FBXO17: variants seen among roughly 807,000 people sequenced by gnomAD.
The protein encoded by FBXO17 is F-box only protein 17.
A neutral mutation model predicts 34.1 loss-of-function variants in FBXO17; 43 were observed. The ratio of observed to expected loss-of-function variants is 1.26; its 90% CI spans 0.99 to 1.62. The LOEUF is 1.62. FBXO17 is among the 40% of genes most tolerant of loss of function. The pLI, the probability that FBXO17 is intolerant of heterozygous loss-of-function variation, is 0.00. For missense variants in FBXO17, 424 were observed against 386.7 expected (o/e 1.10, Z -0.81); for synonymous variants, 169 against 166.0 (o/e 1.02, Z -0.14).
rs1364713646 is a variant in FBXO17 at position 38,948,634 on chromosome 19, C to A, written c.394G>T (p.Ala132Ser). The part of the protein sequence containing the change: ...WEVEHGGNGW[A>S]IEKNLTPVPG... ...ACCGGTGTTAGGTTCTTTTCTATGG[C>A]CCAGCCGTTCCCGCCATGCTCCACC... Residue 132 changes from alanine (A) to serine (S), a missense_variant, in exon 3 of 6, where the codon GCC becomes TCC. Ala to Ser is a moderately conservative substitution (Grantham distance 99). Coordinates refer to ENST00000292852, the MANE Select transcript of FBXO17 (RefSeq NM_024907.7). The A allele has an allele frequency of 6.2e-7, 1 of 1,614,134 alleles. No individual in the cohort carries two copies. Among genetic ancestry groups the A allele is most frequent in the South Asian group, 1.1e-5 (1 of 91,084 alleles).
chr19:38,959,986 A>G (rs773219533), intron 1 of FBXO17, among the ~76,000 whole-genome samples: 12 of 152,216 alleles, frequency 7.9e-5, no homozygotes, highest in Non-Finnish European at 1.8e-4. Context: ...GATGAAAACA[A>G]GAAAAACAGA....
At chr19:38,946,362 A>G (rs1828799771) in intron 4 of FBXO17, 110 bp downstream of exon 4, 1 of 1,523,244 alleles carries the variant, frequency 6.6e-7, no homozygotes, top group Non-Finnish European at 8.9e-7. Flanking sequence ...CAAAGGGTGC[A>G]CAGTGACAGC....
chr19:38,969,458 G>A (rs1406000786), intron 1 of FBXO17, among the ~76,000 whole-genome samples: 6 of 147,150 alleles, frequency 4.1e-5, no homozygotes, highest in African/African-American at 1.0e-4. Context: ...AAAAAAGAAA[G>A]AAAAGAAAAA....
chr19:38,972,618 C>T (rs957706028), intron 1 of FBXO17, among the ~76,000 whole-genome samples: 15 of 151,280 alleles, frequency 9.9e-5, no homozygotes, highest in Middle Eastern at 3.4e-3. Context: ...CTACTGTATA[C>T]ATGTCTTCTG....
At position 38,968,574 on chromosome 19, in the gene FBXO17, A is replaced by G. The variant is rs1257671233; in HGVS notation, c.-18+7012T>C. On this transcript the variant is annotated intron_variant, in intron 1 of 5. Transcript: ENST00000292852. ...CGACTAGATTATCTACCCAAGAGAAATGAAAATACACCTTCTACCTCCATG... is the reference window on the plus strand; with the variant it reads ...CGACTAGATTATCTACCCAAGAGAAGTGAAAATACACCTTCTACCTCCATG... Among the ~76,000 whole-genome samples the G allele has an allele frequency of 2.0e-5, 3 of 152,152 alleles. No individual in the cohort carries two copies. In the East Asian group the frequency reaches 5.8e-4, roughly 29 times the overall value.
intron 5 of FBXO17, 85 bp downstream of exon 5, chr19:38,944,884 G>T: frequency 4.5e-6 from 7 of 1,558,644 alleles, no homozygotes; most frequent in Non-Finnish European, 6.1e-6. Flanking sequence ...ATCCAGGAGT[G>T]ACAGAAGGGA....
intron 1 of FBXO17, among the ~76,000 whole-genome samples, chr19:38,957,595 A>C (rs537560016): frequency 6.3e-4 from 96 of 152,116 alleles, no homozygotes; most frequent in South Asian, 2.3e-3. Context: ...CCGCCCGCCT[A>C]GGCCTCCCAA....
At chr19:38,953,416 A>T (rs1975115928) in intron 1 of FBXO17, among the ~76,000 whole-genome samples, 1 of 152,162 alleles carries the variant, frequency 6.6e-6, no homozygotes, top group Non-Finnish European at 1.5e-5. Context: ...TAATCCCAGC[A>T]CTTTGGGAGG....
At position 38,950,010 on chromosome 19, in the gene FBXO17, G is replaced by A; in HGVS notation, c.310C>T (p.Pro104Ser). The A allele has an allele frequency of 1.3e-6, 2 of 1,557,422 alleles. No individual in the cohort carries two copies. The highest frequency in any genetic ancestry group is 1.7e-6 in the Non-Finnish European group (2 of 1,152,662). Residue 104 changes from proline to serine, a missense_variant, in exon 2 of 6, where the codon CCC becomes TCC. Coordinates refer to ENST00000292852, the MANE Select transcript of FBXO17 (RefSeq NM_024907.7). ...TTGAAGATGAGATTGCGGCCGAAGG[G>A]CGCGCGCAGACAGTAGCGCGCCAGG... ...CALARYCLRAPFGRNLIFNSC... is the reference protein window; with the variant it reads ...CALARYCLRASFGRNLIFNSC...
rs1246354059 is a variant in FBXO17 at position 38,965,830 on chromosome 19, C to T, written c.-18+9756G>A. ...CTAATTTTTATATTTTTAGTAGAGA[C>T]GGGGTTTCACCATGTTGGGCAGGCT... On this transcript the variant is annotated intron_variant, in intron 1 of 5. Coordinates refer to ENST00000292852, the MANE Select transcript of FBXO17 (RefSeq NM_024907.7). 3.9e-5 allele frequency among the ~76,000 whole-genome samples: 6 copies of T among 151,922 alleles called. No homozygotes were observed. The South Asian group carries it at 6.2e-4, about 16-fold the overall frequency.
chr19:38,956,579 C>T (rs975451913), intron 1 of FBXO17, among the ~76,000 whole-genome samples: 20 of 152,080 alleles, frequency 1.3e-4, no homozygotes, highest in African/African-American at 4.1e-4. Flanking sequence ...GAAAATGTCA[C>T]AGCTAAAATA....
At position 38,970,201 on chromosome 19, in the gene FBXO17, C is replaced by CA. The variant is rs746484827; in HGVS notation, c.-18+5384dup. ...CCAGAACATGAATGATTATCAAAAG[C>CA]AAAAAAAAAAAAAAATTTTTTTTTG... On this transcript the variant is annotated intron_variant, in intron 1 of 5. Coordinates refer to ENST00000292852, the MANE Select transcript of FBXO17 (RefSeq NM_024907.7). Among the ~76,000 whole-genome samples, 185 of 137,152 alleles carry CA rather than the reference C, an allele frequency of 1.3e-3. 2 individuals carry two copies. Among genetic ancestry groups the CA allele is most frequent in the East Asian group, 0.01 (48 of 4,708 alleles). The allele number at this position is 137,152 out of a possible 152,430, so 90.0% of individuals were successfully genotyped here. A position where few individuals can be genotyped will look rare whatever the true frequency, so the allele number is the denominator to read the frequency against.
At chr19:38,960,150 G>GT (rs1008229293) in intron 1 of FBXO17, among the ~76,000 whole-genome samples, 15 of 152,204 alleles carry the variant, frequency 9.9e-5, no homozygotes, top group African/African-American at 3.6e-4. Context: ...AAATTGTATA[G>GT]TTTTTTTGAG....
At chr19:38,964,409 CA>C (rs1975293717) in intron 1 of FBXO17, among the ~76,000 whole-genome samples, 1 of 151,906 alleles carries the variant, frequency 6.6e-6, no homozygotes, top group African/African-American at 2.4e-5. Context: ...GATCTCGGCT[CA>C]CTGCAACCTC....
Position 38,950,251 on chromosome 19 carries a change from C to G in FBXO17, c.69G>C (p.Pro23=). 1 of 1,513,320 alleles carries G rather than the reference C, an allele frequency of 6.6e-7. No homozygotes were observed. Among genetic ancestry groups the G allele is most frequent in the South Asian group, 1.2e-5 (1 of 80,322 alleles). The allele number at this position is 1,513,320 out of a possible 1,614,324, so 93.7% of individuals were successfully genotyped here. The change falls in exon 2 of 6, where the codon CCG becomes CCC. Residue 23 remains proline, a synonymous_variant. Coordinates refer to ENST00000292852, the MANE Select transcript of FBXO17 (RefSeq NM_024907.7). ...DPSLALDALP[P]ELLVQVLSHV... ...GGCTCAGCACCTGCACCAGCAGCTC[C>G]GGGGGCAGCGCGTCCAGGGCCAGGG... is the stretch of plus-strand genomic sequence containing the variant.
intron 1 of FBXO17, among the ~76,000 whole-genome samples, chr19:38,955,174 G>GC (rs1446449434): frequency 1.3e-5 from 2 of 151,002 alleles, no homozygotes; most frequent in Non-Finnish European, 2.9e-5. Context: ...CTCATGATCC[G>GC]CCCGCCTTGG....
intron 1 of FBXO17, among the ~76,000 whole-genome samples, chr19:38,951,463 C>T (rs376983066): frequency 4.0e-5 from 6 of 151,440 alleles, no homozygotes; most frequent in East Asian, 1.9e-4. Flanking sequence ...TGAGTCACTG[C>T]GCCTGGCCTG....
intron 1 of FBXO17, among the ~76,000 whole-genome samples, chr19:38,968,349 A>G (rs1214349633): frequency 6.6e-6 from 1 of 151,654 alleles, no homozygotes; most frequent in African/African-American, 2.4e-5. Context: ...GGCTGGGTGC[A>G]GTGGCTCATG....
chr19:38,972,681 A>G (rs1291400506), intron 1 of FBXO17, among the ~76,000 whole-genome samples: 1 of 152,088 alleles, frequency 6.6e-6, no homozygotes, highest in Non-Finnish European at 1.5e-5. Context: ...AATTTTTACT[A>G]TGAAATTTCA....
Sources: allele counts gnomAD v4.1 joint callset (sites outside exome capture counted in the v4.1 genomes callset), GRCh38; gene constraint gnomAD v4.1.1; transcripts MANE v1.5; gene names NCBI Gene and HGNC (gene_info 2026-07-23, HGNC 2026-07-21).